The following GABRB2 variants were observed in gnomAD, a reference collection of about 807,000 sequenced individuals.
The protein encoded by GABRB2 is gamma-aminobutyric acid receptor subunit beta-2.
In GABRB2, 16 loss-of-function variants were observed where a neutral mutation model predicts 54.7. The ratio of observed to expected loss-of-function variants is 0.29; its 90% CI spans 0.20 to 0.44. GABRB2 has a LOEUF of 0.44. Among genes scored for constraint, GABRB2 ranks in the 20% least tolerant of loss-of-function variants. GABRB2 has a pLI of 1.00. For missense variants in GABRB2, 355 were observed against 644.0 expected (o/e 0.55, Z 4.86); for synonymous variants, 244 against 233.8 (o/e 1.04, Z -0.40).
At chr5:161,300,019 G>A (rs1757490923) in intron 9 of GABRB2, among the ~76,000 whole-genome samples, 1 of 152,174 alleles carries the variant, frequency 6.6e-6, no homozygotes. Flanking sequence ...GTGGCTGACT[G>A]CTAAACTGGC....
intron 4 of GABRB2, among the ~76,000 whole-genome samples, chr5:161,447,757 A>G (rs920992221): frequency 1.3e-5 from 2 of 152,240 alleles, no homozygotes; most frequent in African/African-American, 4.8e-5. Flanking sequence ...AACTTTTACC[A>G]AAAGTCTTTT....
intron 3 of GABRB2, among the ~76,000 whole-genome samples, chr5:161,482,500 T>A (rs1474483850): frequency 6.6e-6 from 1 of 152,116 alleles, no homozygotes; most frequent in African/African-American, 2.4e-5. Flanking sequence ...TGTCTGTTAA[T>A]ACTGTAGCTC....
intron 5 of GABRB2, among the ~76,000 whole-genome samples, chr5:161,370,155 C>A (rs921921928): frequency 6.6e-6 from 1 of 152,030 alleles, no homozygotes; most frequent in African/African-American, 2.4e-5. Flanking sequence ...GGGATATGAC[C>A]TTGTCAAGAA....
At chr5:161,396,733 A>T (rs1017971992) in intron 5 of GABRB2, among the ~76,000 whole-genome samples, 1 of 152,210 alleles carries the variant, frequency 6.6e-6, no homozygotes, top group Admixed American at 6.5e-5. Context: ...ATATCAAAAT[A>T]TCACATTGTA....
At chr5:161,455,167 G>A (rs772288700) in intron 4 of GABRB2, among the ~76,000 whole-genome samples, 20 of 152,218 alleles carry the variant, frequency 1.3e-4, no homozygotes, top group Non-Finnish European at 2.6e-4. Flanking sequence ...ATATGAGCAT[G>A]AGTAGACTTA....
At chr5:161,525,604 A>T (rs928996807) in intron 3 of GABRB2, among the ~76,000 whole-genome samples, 1 of 151,338 alleles carries the variant, frequency 6.6e-6, no homozygotes, top group Non-Finnish European at 1.5e-5. Flanking sequence ...TCTAGTATAG[A>T]TATTTCATTT....
At chr5:161,464,532 G>C in intron 3 of GABRB2, among the ~76,000 whole-genome samples, 1 of 152,048 alleles carries the variant, frequency 6.6e-6, no homozygotes, top group Non-Finnish European at 1.5e-5. Context: ...GAAGCAGTTT[G>C]ACAATTTATT....
At chr5:161,513,771 C>T (rs957627569) in intron 3 of GABRB2, among the ~76,000 whole-genome samples, 2 of 151,904 alleles carry the variant, frequency 1.3e-5, no homozygotes, top group Non-Finnish European at 2.9e-5. Context: ...CGTGCACCTC[C>T]TGAATCTCAA....
intron 4 of GABRB2, among the ~76,000 whole-genome samples, chr5:161,447,625 A>AACC (rs1309813872): frequency 6.6e-6 from 1 of 152,146 alleles, no homozygotes; most frequent in Non-Finnish European, 1.5e-5. Flanking sequence ...TTGAGTCATT[A>AACC]ACCTATTACA....
intron 5 of GABRB2, among the ~76,000 whole-genome samples, chr5:161,369,246 G>A (rs1327236291): frequency 3.9e-5 from 6 of 152,106 alleles, no homozygotes; most frequent in African/African-American, 1.4e-4. Flanking sequence ...TTTCCTGCAG[G>A]GAAACTGGCA....
intron 3 of GABRB2, among the ~76,000 whole-genome samples, chr5:161,465,696 T>C (rs1408288989): frequency 2.0e-5 from 3 of 152,082 alleles, no homozygotes; most frequent in Admixed American, 2.0e-4. Context: ...CATTTTTTTA[T>C]TTGGACATTT....
chr5:161,344,513 G>GT (rs1388661341), intron 5 of GABRB2, among the ~76,000 whole-genome samples: 1 of 151,416 alleles, frequency 6.6e-6, no homozygotes, highest in African/African-American at 2.4e-5. Flanking sequence ...GGTACTATTT[G>GT]TTTTTTTAAA....
chr5:161,460,258 T>TTATA (rs148478159), intron 3 of GABRB2, among the ~76,000 whole-genome samples: 13,847 of 148,400 alleles, frequency 0.093, 837 homozygotes, highest in Middle Eastern at 0.16. Flanking sequence ...GAAAACAAAT[T>TTATA]TATATATATA....
chr5:161,541,677 A>T (rs1407846214), intron 3 of GABRB2, among the ~76,000 whole-genome samples: 1 of 152,230 alleles, frequency 6.6e-6, no homozygotes, highest in Non-Finnish European at 1.5e-5. Flanking sequence ...GCCTTCATAG[A>T]ATCAAATACA....
intron 5 of GABRB2, among the ~76,000 whole-genome samples, chr5:161,378,588 T>C (rs566662728): frequency 1.2e-4 from 18 of 152,272 alleles, no homozygotes; most frequent in Non-Finnish European, 1.6e-4. Context: ...ATAATGGCCT[T>C]GGTGATGTAT....
At chr5:161,394,924 C>T (rs1580946961) in intron 5 of GABRB2, among the ~76,000 whole-genome samples, 1 of 152,134 alleles carries the variant, frequency 6.6e-6, no homozygotes, top group Admixed American at 6.5e-5. Flanking sequence ...GAGTTACAAT[C>T]CAATATCCTT....
At chr5:161,307,954 G>A (rs368723033) in intron 9 of GABRB2, among the ~76,000 whole-genome samples, 129 of 151,650 alleles carry the variant, frequency 8.5e-4, no homozygotes, top group African/African-American at 2.7e-3. Context: ...CGCCTCCTGG[G>A]TTCATGCCAT....
chr5:161,540,653 A>T (rs1760781557), intron 3 of GABRB2, among the ~76,000 whole-genome samples: 1 of 152,164 alleles, frequency 6.6e-6, no homozygotes, highest in East Asian at 1.9e-4. Flanking sequence ...GTACTTCTTA[A>T]ATAAGACTTG....
chr5:161,304,358 A>G (rs747849135), intron 9 of GABRB2, among the ~76,000 whole-genome samples: 3 of 152,228 alleles, frequency 2.0e-5, no homozygotes, highest in Non-Finnish European at 2.9e-5. Flanking sequence ...CCTTTAAAAC[A>G]TGTATGGCAT....
Sources: gnomAD v4.1 joint callset for allele counts (sites outside exome capture counted in the v4.1 genomes callset) on GRCh38, gnomAD v4.1.1 for gene constraint, MANE v1.5 for transcripts, NCBI Gene and HGNC (gene_info 2026-07-23, HGNC 2026-07-21) for gene names.